The following PTPRT variants were observed in gnomAD, a reference collection of about 807,000 sequenced individuals.
PTPRT encodes the protein receptor-type tyrosine-protein phosphatase T.
A neutral mutation model predicts 176.8 loss-of-function variants in PTPRT; 56 were observed. That is an observed-to-expected ratio of 0.32 (90% CI 0.26 to 0.40). PTPRT has a LOEUF of 0.40. PTPRT is among the 10% of genes least tolerant of loss of function. PTPRT has a pLI of 1.00. For synonymous variants in PTPRT, 783 were observed against 739.0 expected (o/e 1.06, Z -0.96); for missense variants, 1,540 against 1,908.2 (o/e 0.81, Z 3.60).
chr20:42,478,524 C>T (rs1454444268), intron 7 of PTPRT, among the ~76,000 whole-genome samples: 1 of 152,144 alleles, frequency 6.6e-6, no homozygotes, highest in Non-Finnish European at 1.5e-5. Context: ...TCATTTTCCA[C>T]TTCTCACTTA....
In PTPRT at chr20:42,404,972, T is replaced by TTATA. The variant is rs200602736; in HGVS notation, c.1560+43244_1560+43247dup. Among the ~76,000 whole-genome samples, 30 of 77,954 alleles carry TTATA rather than the reference T, an allele frequency of 3.8e-4. 1 individual carries two copies. The highest frequency in any genetic ancestry group is 2.0e-3 in the Admixed American group (13 of 6,378). The allele number at this position is 77,954 out of a possible 152,430, so 51.1% of individuals were successfully genotyped here. On this transcript the variant is annotated intron_variant, in intron 9 of 30. Transcript: ENST00000373187. Reference sequence around the variant, plus strand: ...AGCATGTGAATAGAGGGCCAATTAATTATATATATATATATACACACACAC... The same window carrying TTATA: ...AGCATGTGAATAGAGGGCCAATTAATTATATATATATATATATATACACACACAC...
intron 2 of PTPRT, among the ~76,000 whole-genome samples, chr20:42,814,360 G>A (rs147948158): frequency 6.6e-6 from 1 of 152,146 alleles, no homozygotes; most frequent in East Asian, 1.9e-4. Flanking sequence ...AAATATCTGA[G>A]TCACACTTTC....
chr20:42,840,467 C>T (rs898280678), intron 2 of PTPRT, among the ~76,000 whole-genome samples: 3 of 152,070 alleles, frequency 2.0e-5, no homozygotes, highest in Non-Finnish European at 2.9e-5. Flanking sequence ...GGCTGGAGTG[C>T]AATGGTGCGA....
At chr20:42,952,726 T>A (rs1981330323) in intron 1 of PTPRT, among the ~76,000 whole-genome samples, 1 of 152,296 alleles carries the variant, frequency 6.6e-6, no homozygotes, top group South Asian at 2.1e-4. Context: ...AGTACATAAA[T>A]GCACTATTCC....
chr20:43,040,337 C>G (rs1391673204), intron 1 of PTPRT, among the ~76,000 whole-genome samples: 1 of 152,168 alleles, frequency 6.6e-6, no homozygotes, highest in Admixed American at 6.5e-5. Context: ...TTATGACTAT[C>G]AATCATAAAA....
rs977821284 is a variant in PTPRT, at chr20:42,739,004, G to C, written c.859+17458C>G. Reference sequence around the variant, plus strand: ...GGATCGCTGAGCCTGGGAGGTTGAAGCTGCAGTGAGCCATGATTGTGCCAC... The same window carrying C: ...GGATCGCTGAGCCTGGGAGGTTGAACCTGCAGTGAGCCATGATTGTGCCAC... On this transcript the variant is annotated intron_variant, in intron 6 of 30. Coordinates refer to ENST00000373187, the MANE Select transcript of PTPRT (RefSeq NM_007050.6). 2.7e-4 allele frequency among the ~76,000 whole-genome samples: 41 copies of C among 152,290 alleles called. 1 individual carries two copies. Among genetic ancestry groups the C allele is most frequent in the Admixed American group, 2.5e-3 (38 of 15,290 alleles).
intron 27 of PTPRT, among the ~76,000 whole-genome samples, chr20:42,097,484 C>T (rs2146205536): frequency 6.6e-6 from 1 of 152,258 alleles, no homozygotes; most frequent in South Asian, 2.1e-4. Flanking sequence ...TGAAGTCTTC[C>T]CTCACCCTCT....
At position 42,117,659 on chromosome 20, in the gene PTPRT, G is replaced by T. The variant is rs533161456; in HGVS notation, c.2982+744C>A. Among the ~76,000 whole-genome samples, 3 of 152,284 alleles carry T rather than the reference G, an allele frequency of 2.0e-5. No homozygotes were observed. The East Asian group carries it at 5.8e-4, about 29-fold the overall frequency. ...CTGGATTTGTCGACATGAAGGGTGC[G>T]AGTGATATTGACAATATCACTATTG... On this transcript the variant is annotated intron_variant, in intron 21 of 30. Coordinates refer to ENST00000373187, the MANE Select transcript of PTPRT (RefSeq NM_007050.6).
At chr20:42,485,548 T>A (rs1293745281) in intron 7 of PTPRT, among the ~76,000 whole-genome samples, 2 of 152,190 alleles carry the variant, frequency 1.3e-5, no homozygotes, top group Non-Finnish European at 2.9e-5. Flanking sequence ...CAAACAAAAG[T>A]AATATCTCCT....
chr20:42,894,538 C>T (rs975530933), intron 1 of PTPRT, among the ~76,000 whole-genome samples: 3 of 151,654 alleles, frequency 2.0e-5, no homozygotes, highest in African/African-American at 4.9e-5. Context: ...AAAAAAAAAA[C>T]TATCCCAAGA....
At chr20:42,996,792 T>C (rs1460280535) in intron 1 of PTPRT, among the ~76,000 whole-genome samples, 8 of 152,218 alleles carry the variant, frequency 5.3e-5, no homozygotes, top group African/African-American at 1.2e-4. Context: ...CATATCAATA[T>C]GACCTTGAGC....
Position 42,109,171 on chromosome 20 carries a change from T to C in PTPRT, c.3254+1162A>G, listed in dbSNP as rs551940790. On this transcript the variant is annotated intron_variant, in intron 23 of 30. Transcript: ENST00000373187. ...GGAAGATAAATAAATGGATGCTGTA[T>C]GAGGACGGGGCTGGCTCTGAGACAT... 1.7e-4 allele frequency among the ~76,000 whole-genome samples: 26 copies of C among 152,368 alleles called. No homozygotes were observed. In the South Asian group the frequency reaches 4.8e-3, roughly 28 times the overall value.
At chr20:42,505,579 G>A (rs1273015567) in intron 7 of PTPRT, among the ~76,000 whole-genome samples, 1 of 152,054 alleles carries the variant, frequency 6.6e-6, no homozygotes, top group Non-Finnish European at 1.5e-5. Flanking sequence ...TGGGATTACA[G>A]GTGTGAGCCA....
chr20:42,991,177 C>G (rs901726331), intron 1 of PTPRT, among the ~76,000 whole-genome samples: 1 of 152,052 alleles, frequency 6.6e-6, no homozygotes, highest in Admixed American at 6.5e-5. Context: ...TTACATTTAT[C>G]GTGTAAAAAT....
intron 21 of PTPRT, among the ~76,000 whole-genome samples, chr20:42,116,316 T>G (rs1987280551): frequency 1.3e-5 from 2 of 152,156 alleles, no homozygotes; most frequent in African/African-American, 4.8e-5. Context: ...TATTTAACCG[T>G]GGAACCCTCT....
intron 13 of PTPRT, among the ~76,000 whole-genome samples, chr20:42,282,154 A>T (rs2147055344): frequency 6.6e-6 from 1 of 152,306 alleles, no homozygotes; most frequent in African/African-American, 2.4e-5. Context: ...CCACATAAAC[A>T]TAGACCCAAA....
At chr20:42,053,520 G>A in the PTPRT span, among the ~76,000 whole-genome samples, 1 of 152,190 alleles carries the variant, frequency 6.6e-6, no homozygotes, top group Non-Finnish European at 1.5e-5. Context: ...CACCTCATTA[G>A]TTTTAAATTG....
intron 1 of PTPRT, among the ~76,000 whole-genome samples, chr20:43,135,397 C>CA (rs1390436481): frequency 6.6e-6 from 1 of 152,146 alleles, no homozygotes; most frequent in East Asian, 1.9e-4. Flanking sequence ...AGGAACAGAT[C>CA]ATGCAATATG....
chr20:42,377,522 A>G (rs899008511), intron 9 of PTPRT, among the ~76,000 whole-genome samples: 10 of 152,192 alleles, frequency 6.6e-5, no homozygotes, highest in East Asian at 1.9e-4. Flanking sequence ...CATTTCAAAC[A>G]CATTCCCAGG....
Sources: gnomAD v4.1 joint callset for allele counts (sites outside exome capture counted in the v4.1 genomes callset) on GRCh38, gnomAD v4.1.1 for gene constraint, MANE v1.5 for transcripts, NCBI Gene and HGNC (gene_info 2026-07-23, HGNC 2026-07-21) for gene names.